REV1: variants seen among roughly 807,000 people sequenced by gnomAD.
REV1 encodes translesion synthesis protein REV1.
A neutral mutation model predicts 137.4 loss-of-function variants in REV1; 42 were observed. That is an observed-to-expected ratio of 0.31 (90% CI 0.24 to 0.40). REV1 has a LOEUF of 0.40. REV1 is among the 10% of genes least tolerant of loss of function. The pLI, the probability that REV1 is intolerant of heterozygous loss-of-function variation, is 1.00. For missense variants in REV1, 1,282 were observed against 1,490.1 expected (o/e 0.86, Z 2.30); for synonymous variants, 524 against 519.2 (o/e 1.01, Z -0.12).
intron 7 of REV1, among the ~76,000 whole-genome samples, 165 bp from the exon 8 acceptor site, chr2:99,434,613 T>C (rs953320203): frequency 3.3e-5 from 5 of 152,212 alleles, no homozygotes; most frequent in Non-Finnish European, 5.9e-5. Context: ...TCAATCACCA[T>C]GTAAATGTCA....
intron 14 of REV1, among the ~76,000 whole-genome samples, chr2:99,409,875 A>C (rs1420603928): frequency 7.7e-6 from 1 of 130,316 alleles, no homozygotes; most frequent in Non-Finnish European, 1.6e-5. Context: ...CCCAAAAAAA[A>C]CAGCGTTTTT....
chr2:99,448,037 T>G (rs1471912150), intron 4 of REV1, among the ~76,000 whole-genome samples: 1 of 152,216 alleles, frequency 6.6e-6, no homozygotes, highest in African/African-American at 2.4e-5. Context: ...ATATGGATAC[T>G]GAACTGCCGA....
chr2:99,402,794 G>A lies in REV1; in HGVS notation c.3391C>T (p.Leu1131Phe), dbSNP rs749073739. The change falls in exon 21 of 23, where the codon CTC becomes TTC. Residue 1131 changes from leucine (L) to phenylalanine (F), a missense_variant. This residue lies in a region of REV1 where 170 missense variants were observed against 156.8 expected (regional missense o/e 1.08). Transcript: ENST00000258428. ...GGCACACCTGAAGTAGAAGCAGAGA[G>A]TTCTTCCTGTTAAGAAAACAAAGGA... Reference protein sequence around the residue: ...GPPAEKPLEELSASTSGVPGL... With the variant: ...GPPAEKPLEEFSASTSGVPGL... 23 of 1,613,942 alleles carry A rather than the reference G, an allele frequency of 1.4e-5. No individual in the cohort carries two copies. Among genetic ancestry groups the A allele is most frequent in the Non-Finnish European group, 1.0e-5 (12 of 1,180,024 alleles).
chr2:99,441,467 T>TA (rs879434632), intron 5 of REV1, among the ~76,000 whole-genome samples: 36 of 145,178 alleles, frequency 2.5e-4, no homozygotes, highest in East Asian at 1.2e-3. Context: ...AAGCTTAAAT[T>TA]AAAAAAAAAA....
chr2:99,441,799 AACTT>A (rs1661757485), intron 5 of REV1, among the ~76,000 whole-genome samples: 1 of 152,218 alleles, frequency 6.6e-6, no homozygotes, highest in African/African-American at 2.4e-5. Flanking sequence ...TGACTGTAAA[AACTT>A]ACTTACATTT....
At chr2:99,474,118 CTT>C (rs1399305501) in intron 1 of REV1, among the ~76,000 whole-genome samples, 1 of 152,110 alleles carries the variant, frequency 6.6e-6, no homozygotes, top group Non-Finnish European at 1.5e-5. Flanking sequence ...TTTAGTGTTC[CTT>C]TAATTTTTAA....
At chr2:99,450,100 T>G (rs547937472) in intron 3 of REV1, among the ~76,000 whole-genome samples, 2 of 152,200 alleles carry the variant, frequency 1.3e-5, no homozygotes, top group African/African-American at 4.8e-5. Context: ...TGAAATTTCA[T>G]TAAGGCCAAA....
At chr2:99,412,257 CAAAAAA>C (rs1160440580) in intron 13 of REV1, among the ~76,000 whole-genome samples, 4 of 53,028 alleles carry the variant, frequency 7.5e-5, no homozygotes, top group African/African-American at 2.8e-4. Flanking sequence ...GACTCCATCT[CAAAAAA>C]AAAAAAAAAA....
Position 99,401,223 on chromosome 2 carries a change from C to A in REV1, c.*18G>T, listed in dbSNP as rs919847060. 6.9e-7 allele frequency: 1 copy of A among 1,440,036 alleles called. No individual in the cohort carries two copies. The highest frequency in any genetic ancestry group is 1.4e-5 in the African/African-American group (1 of 71,464). 89.2% of individuals were successfully genotyped at this position (1,440,036 alleles called of 1,614,324 possible). ...TTATGGCACAGCTATCAGAGAGCATCAGGCTCTCTGGTAATATTTATGTAA... is the reference window on the plus strand; with the variant it reads ...TTATGGCACAGCTATCAGAGAGCATAAGGCTCTCTGGTAATATTTATGTAA... On this transcript the variant is annotated 3_prime_UTR_variant, in exon 23 of 23. Coordinates refer to ENST00000258428, the MANE Select transcript of REV1 (RefSeq NM_016316.4).
At chr2:99,407,077 G>GTTTTTTTTTTTTTTTTTTTT (rs1293864331) in intron 15 of REV1, 1 of 46,778 alleles carries the variant, frequency 2.1e-5, no homozygotes, top group Non-Finnish European at 4.2e-5. Context: ...ACCTACAAAG[G>GTTTTTTTTTTTTTTTTTTTT]TTCTTTTTTT....
intron 14 of REV1, among the ~76,000 whole-genome samples, chr2:99,409,565 C>T (rs566722465): frequency 8.9e-4 from 136 of 152,208 alleles, no homozygotes; most frequent in African/African-American, 1.9e-3. Context: ...TGTTTCAGAC[C>T]GGGCACATTG....
At chr2:99,452,632 T>C (rs369125032) in intron 3 of REV1, among the ~76,000 whole-genome samples, 1 of 152,146 alleles carries the variant, frequency 6.6e-6, no homozygotes, top group Non-Finnish European at 1.5e-5. Context: ...CCCTGGAACA[T>C]ATGCTCTTTG....
At chr2:99,456,256 C>T (rs1009513030) in intron 3 of REV1, among the ~76,000 whole-genome samples, 2 of 152,188 alleles carry the variant, frequency 1.3e-5, no homozygotes, top group Non-Finnish European at 2.9e-5. Context: ...TGAGTATCTA[C>T]AATGTGCCAG....
At chr2:99,443,840 T>A (rs1160216803) in intron 4 of REV1, among the ~76,000 whole-genome samples, 1 of 148,590 alleles carries the variant, frequency 6.7e-6, no homozygotes, top group Non-Finnish European at 1.5e-5. Flanking sequence ...TCAAACCAAC[T>A]TTTCTTCCTT....
chr2:99,414,556 G>A (rs930042855), intron 12 of REV1, among the ~76,000 whole-genome samples: 1 of 152,194 alleles, frequency 6.6e-6, no homozygotes, highest in Non-Finnish European at 1.5e-5. Flanking sequence ...AGAAACACAA[G>A]GGAATAGACA....
At chr2:99,421,875 A>G (rs935106349) in intron 10 of REV1, among the ~76,000 whole-genome samples, 1 of 152,236 alleles carries the variant, frequency 6.6e-6, no homozygotes, top group African/African-American at 2.4e-5. Context: ...CATATTGGAT[A>G]GGAAAATGTT....
At chr2:99,465,212 T>C (rs1048454099) in intron 1 of REV1, among the ~76,000 whole-genome samples, 4 of 152,214 alleles carry the variant, frequency 2.6e-5, no homozygotes, top group African/African-American at 9.7e-5. Context: ...ACTCTTATAT[T>C]TAAAATTCAA....
intron 1 of REV1, among the ~76,000 whole-genome samples, chr2:99,470,588 C>T (rs768707379): frequency 6.6e-6 from 1 of 152,256 alleles, no homozygotes; most frequent in African/African-American, 2.4e-5. Flanking sequence ...AGCGTTAGGT[C>T]ATAGCCTGTT....
At chr2:99,485,959 T>C (rs986317383) in intron 1 of REV1, among the ~76,000 whole-genome samples, 1 of 151,980 alleles carries the variant, frequency 6.6e-6, no homozygotes, top group Non-Finnish European at 1.5e-5. Context: ...ACCCCATCTT[T>C]ACAAAACATT....
Sources: gnomAD v4.1 joint callset for allele counts (sites outside exome capture counted in the v4.1 genomes callset) on GRCh38, gnomAD v4.1.1 for gene constraint, gnomAD v4.1.1 regional missense constraint, MANE v1.5 for transcripts, NCBI Gene and HGNC (gene_info 2026-07-23, HGNC 2026-07-21) for gene names.